Variants in AGBL1 observed in about 807,000 individuals in gnomAD.
AGBL1 encodes the protein cytosolic carboxypeptidase 4.
A neutral mutation model predicts 118.9 loss-of-function variants in AGBL1; 130 were observed. The ratio of observed to expected loss-of-function variants is 1.09; its 90% CI spans 0.95 to 1.26. The LOEUF is 1.26. AGBL1 is among the 50% of genes most tolerant of loss of function. AGBL1 has a pLI of 0.00. For missense variants in AGBL1, 1,584 were observed against 1,298.1 expected (o/e 1.22, Z -3.38); for synonymous variants, 555 against 478.9 (o/e 1.16, Z -2.08).
At chr15:86,900,301 T>C (rs775260117) in intron 22 of AGBL1, among the ~76,000 whole-genome samples, 4 of 152,152 alleles carry the variant, frequency 2.6e-5, no homozygotes, top group Non-Finnish European at 5.9e-5. Flanking sequence ...TCCTATTAGT[T>C]CTGTCCCTTT....
chr15:86,691,488 C>T (rs1404300798), intron 22 of AGBL1, among the ~76,000 whole-genome samples: 2 of 152,036 alleles, frequency 1.3e-5, no homozygotes, highest in Admixed American at 6.6e-5. Flanking sequence ...AAATTGGACT[C>T]CTGAAAGGCA....
chr15:86,547,201 T>C (rs1329721696), intron 20 of AGBL1, among the ~76,000 whole-genome samples: 2 of 152,148 alleles, frequency 1.3e-5, no homozygotes, highest in Admixed American at 1.3e-4. Flanking sequence ...CTTAATAACT[T>C]AATCTTATTT....
At chr15:86,939,321 C>A (rs1175229281) in intron 23 of AGBL1, among the ~76,000 whole-genome samples, 1 of 152,140 alleles carries the variant, frequency 6.6e-6, no homozygotes, top group Non-Finnish European at 1.5e-5. Flanking sequence ...AGTCTTCTGA[C>A]CCTCATCTTT....
chr15:86,832,923 G>C lies in AGBL1; in HGVS notation c.3159-74164G>C, dbSNP rs532530561. ...TAGACTGGGTAATTTATAAAGGAAAGAGGTTTAATGGACTCACATTTCCAC... is the reference window on the plus strand; with the variant it reads ...TAGACTGGGTAATTTATAAAGGAAACAGGTTTAATGGACTCACATTTCCAC... On this transcript the variant is annotated intron_variant, in intron 22 of 22. Transcript: ENST00000614907. Among the ~76,000 whole-genome samples the C allele has an allele frequency of 3.9e-5, 6 of 152,330 alleles. No homozygotes were observed. The East Asian group carries it at 1.2e-3, about 29-fold the overall frequency.
intron 16 of AGBL1, among the ~76,000 whole-genome samples, chr15:86,282,024 C>A (rs8026683): frequency 0.27 from 41,105 of 152,034 alleles, 9,759 homozygotes; most frequent in African/African-American, 0.65. Flanking sequence ...GGTGCCTACA[C>A]ACTGATTCAA....
intron 23 of AGBL1, among the ~76,000 whole-genome samples, chr15:86,953,893 C>T (rs965022336): frequency 6.6e-6 from 1 of 152,128 alleles, no homozygotes; most frequent in African/African-American, 2.4e-5. Flanking sequence ...TTCTGCTCTT[C>T]CTATTTGGAT....
At chr15:86,554,605 G>C in intron 21 of AGBL1, 68 bp downstream of exon 21, 1 of 1,343,236 alleles carries the variant, frequency 7.4e-7, no homozygotes, top group Non-Finnish European at 9.6e-7. Flanking sequence ...TAGACAGCTC[G>C]TACCTGCTTT....
At chr15:86,267,365 T>C (rs1036886585) in intron 13 of AGBL1, among the ~76,000 whole-genome samples, 28 of 152,222 alleles carry the variant, frequency 1.8e-4, no homozygotes, top group South Asian at 4.1e-4. Context: ...TATTAATGTG[T>C]CTTGTGTTTC....
intron 18 of AGBL1, among the ~76,000 whole-genome samples, chr15:86,502,127 G>A (rs1402768827): frequency 6.6e-6 from 1 of 151,342 alleles, no homozygotes; most frequent in Non-Finnish European, 1.5e-5. Context: ...ATAATGTTTT[G>A]TCTTTTGTGG....
intron 23 of AGBL1, among the ~76,000 whole-genome samples, chr15:86,956,764 C>T (rs184659072): frequency 1.4e-3 from 210 of 152,118 alleles, no homozygotes; most frequent in Non-Finnish European, 2.4e-3. Flanking sequence ...TCACATATGC[C>T]AAAGATTACT....
At chr15:86,436,089 C>CTTTTT (rs35296563) in intron 18 of AGBL1, among the ~76,000 whole-genome samples, 40 of 111,522 alleles carry the variant, frequency 3.6e-4, no homozygotes, top group Middle Eastern at 5.6e-3. Context: ...CCTTTCCTCT[C>CTTTTT]TTTTTTTTTT....
Position 86,827,938 on chromosome 15 carries a change from CTTT to C in AGBL1, c.3159-79131_3159-79129del, listed in dbSNP as rs71144074. 8.9e-4 allele frequency among the ~76,000 whole-genome samples: 15 copies of C among 16,762 alleles called. 2 individuals are homozygous for C. In the South Asian group the frequency reaches 0.011, roughly 12 times the overall value. 11.0% of individuals were successfully genotyped at this position (16,762 alleles called of 152,430 possible). A position where few individuals can be genotyped will look rare whatever the true frequency, so the allele number is the denominator to read the frequency against. ...ATAGTCTCTGGCACTTGATGTAGGGCTTTTTTTTTTTTTTTTTTTTGAGACAGT... is the reference window on the plus strand; with the variant it reads ...ATAGTCTCTGGCACTTGATGTAGGGCTTTTTTTTTTTTTTTTTGAGACAGT... On this transcript the variant is annotated intron_variant, in intron 22 of 22. Coordinates refer to ENST00000614907, the MANE Select transcript of AGBL1 (RefSeq NM_001386094.1).
intron 21 of AGBL1, among the ~76,000 whole-genome samples, chr15:86,557,505 A>G (rs922643958): frequency 6.6e-5 from 10 of 152,172 alleles, no homozygotes; most frequent in African/African-American, 2.4e-4. Context: ...AGGACAGAAG[A>G]TGGTAACTCA....
At chr15:86,570,230 A>C (rs369889217) in intron 21 of AGBL1, among the ~76,000 whole-genome samples, 3 of 152,196 alleles carry the variant, frequency 2.0e-5, no homozygotes, top group Admixed American at 2.0e-4. Context: ...TATTGATACC[A>C]GTGGGCTGGG....
At chr15:86,391,643 T>C (rs1025884528) in intron 17 of AGBL1, among the ~76,000 whole-genome samples, 2 of 136,400 alleles carry the variant, frequency 1.5e-5, no homozygotes, top group Admixed American at 1.4e-4. Context: ...GTTGTTGGTT[T>C]TTTTTTTTTT....
intron 23 of AGBL1, among the ~76,000 whole-genome samples, chr15:86,958,455 AAAAG>A (rs1357810980): frequency 6.6e-6 from 1 of 152,108 alleles, no homozygotes; most frequent in Non-Finnish European, 1.5e-5. Flanking sequence ...ATTATAAAGA[AAAAG>A]AAACATGAAT....
chr15:86,330,217 G>A (rs1258712180), intron 17 of AGBL1, among the ~76,000 whole-genome samples: 1 of 152,228 alleles, frequency 6.6e-6, no homozygotes, highest in Non-Finnish European at 1.5e-5. Flanking sequence ...ACTTTTGCCA[G>A]TAAACAAGGA....
Position 86,196,874 on chromosome 15 carries a change from C to T in AGBL1, c.489-28040C>T, listed in dbSNP as rs1215648642. Among the ~76,000 whole-genome samples, 216 of 93,206 alleles carry T rather than the reference C, an allele frequency of 2.3e-3. 5 individuals carry two copies. Among genetic ancestry groups the T allele is most frequent in the African/African-American group, 0.01 (205 of 20,200 alleles). The allele number at this position is 93,206 out of a possible 152,430, so 61.1% of individuals were successfully genotyped here. A position where few individuals can be genotyped will look rare whatever the true frequency, so the allele number is the denominator to read the frequency against. ...ATATGCGAATGTGCACATGTGCGCGCGCGCGCACACACACACACACACACA... is the reference window on the plus strand; with the variant it reads ...ATATGCGAATGTGCACATGTGCGCGTGCGCGCACACACACACACACACACA... On this transcript the variant is annotated intron_variant, in intron 5 of 22. Coordinates refer to ENST00000614907, the MANE Select transcript of AGBL1 (RefSeq NM_001386094.1).
At chr15:87,011,057 T>C (rs1022109017) in intron 24 of AGBL1, among the ~76,000 whole-genome samples, 10 of 152,234 alleles carry the variant, frequency 6.6e-5, no homozygotes, top group African/African-American at 2.4e-4. Flanking sequence ...TGAACTTCTC[T>C]CATATATGAG....
Sources: allele counts gnomAD v4.1 joint callset (sites outside exome capture counted in the v4.1 genomes callset), GRCh38; gene constraint gnomAD v4.1.1; transcripts MANE v1.5; gene names NCBI Gene and HGNC (gene_info 2026-07-23, HGNC 2026-07-21).